TM4SF18: variants seen among roughly 807,000 people sequenced by gnomAD.
The protein encoded by TM4SF18 is transmembrane 4 L six family member 18.
Under a neutral mutation model 23.8 loss-of-function variants are expected in TM4SF18, and 22 were observed. The observed-to-expected ratio is 0.92, with a 90% CI of 0.66 to 1.32. The LOEUF (loss-of-function observed/expected upper bound fraction) is 1.32, where lower values mean the gene tolerates loss of function less well. Ranked by LOEUF, TM4SF18 falls within the 40% of genes most tolerant of loss-of-function variation. TM4SF18 has a pLI of 0.00. For synonymous variants in TM4SF18, 87 were observed against 87.9 expected (o/e 0.99, Z 0.06); for missense variants, 255 against 240.3 (o/e 1.06, Z -0.41).
chr3:149,321,593 A>G, intron 5 of TM4SF18, 101 bp from the exon 6 acceptor site: 1 of 726,988 alleles, frequency 1.4e-6, no homozygotes, highest in Non-Finnish European at 2.2e-6. Flanking sequence ...TTCATATTCA[A>G]AATATGATAG....
In TM4SF18 at chr3:149,324,916, T is replaced by G. The variant is rs765923820; in HGVS notation, c.374A>C (p.Asp125Ala). 1 of 1,614,064 alleles carries G rather than the reference T, an allele frequency of 6.2e-7. No individual in the cohort carries two copies. The highest frequency in any genetic ancestry group is 1.7e-5 in the Admixed American group (1 of 60,016). The change falls in exon 4 of 6, where the codon GAT becomes GCT. Residue 125 changes from aspartate to alanine, a missense_variant. Coordinates refer to ENST00000296059, the MANE Select transcript of TM4SF18 (RefSeq NM_138786.4). ...LVQGPYCRTL[D>A]GWEYAFEGTA... ...GCCTTCAAAAGCATACTCCCAGCCA[T>G]CAAGGGTGCGGCAATATGGCCCTTG...
intron 3 of TM4SF18, among the ~76,000 whole-genome samples, chr3:149,325,904 C>T (rs745531741): frequency 2.6e-5 from 4 of 152,160 alleles, no homozygotes; most frequent in Non-Finnish European, 5.9e-5. Context: ...TATCTAGAAT[C>T]ACCTACATGA....
intron 1 of TM4SF18, 31 bp downstream of exon 1, chr3:149,333,482 C>CTATTT: frequency 1.3e-5 from 3 of 235,250 alleles, no homozygotes; most frequent in Non-Finnish European, 2.0e-5. Flanking sequence ...CTCTCTCTCT[C>CTATTT]TTTTTTTTTT....
chr3:149,327,267 C>G (rs1215320802), intron 3 of TM4SF18, among the ~76,000 whole-genome samples: 1 of 152,060 alleles, frequency 6.6e-6, no homozygotes, highest in African/African-American at 2.4e-5. Flanking sequence ...ATTTTTTAAA[C>G]AAGTCTTGTA....
At chr3:149,330,463 T>G (rs1170337680) in intron 2 of TM4SF18, 44 bp from the exon 3 acceptor site, 1 of 1,338,824 alleles carries the variant, frequency 7.5e-7, no homozygotes, top group East Asian at 2.3e-5. Context: ...AAATGCTAGT[T>G]TACATTTGTG....
intron 3 of TM4SF18, chr3:149,330,010 G>T (rs1386476282): frequency 5.6e-6 from 1 of 178,512 alleles, no homozygotes. Context: ...TTTAATGGAT[G>T]CCACTTATTA....
At chr3:149,329,155 G>GTC (rs1731022657) in intron 3 of TM4SF18, among the ~76,000 whole-genome samples, 1 of 107,242 alleles carries the variant, frequency 9.3e-6, no homozygotes, top group Admixed American at 9.4e-5. Context: ...GAGTCAACTG[G>GTC]TCACACACAC....
chr3:149,331,536 A>G (rs147452875), intron 2 of TM4SF18, among the ~76,000 whole-genome samples: 5 of 152,334 alleles, frequency 3.3e-5, no homozygotes, highest in East Asian at 3.9e-4. Context: ...GAGGGAAACA[A>G]TGATGAGACA....
intron 3 of TM4SF18, among the ~76,000 whole-genome samples, chr3:149,327,069 C>CAGGAGA (rs1160291573): frequency 1.3e-5 from 2 of 152,156 alleles, no homozygotes; most frequent in African/African-American, 4.8e-5. Context: ...CCTGCCTCAG[C>CAGGAGA]CTCCTGAGTA....
At chr3:149,331,252 TA>T in intron 2 of TM4SF18, among the ~76,000 whole-genome samples, 1 of 152,312 alleles carries the variant, frequency 6.6e-6, no homozygotes, top group South Asian at 2.1e-4. Context: ...CAGCTTTCAT[TA>T]ATTTTTTTGT....
intron 3 of TM4SF18, among the ~76,000 whole-genome samples, chr3:149,328,603 G>T (rs965152005): frequency 6.6e-6 from 1 of 152,142 alleles, no homozygotes; most frequent in African/African-American, 2.4e-5. Context: ...CAATTGAAAA[G>T]TTTTACATAA....
At chr3:149,331,849 A>G (rs1196616570) in intron 2 of TM4SF18, among the ~76,000 whole-genome samples, 1 of 152,220 alleles carries the variant, frequency 6.6e-6, no homozygotes, top group Non-Finnish European at 1.5e-5. Context: ...ACATGAAATA[A>G]TGTGCATTTT....
rs1318211577 is a variant in TM4SF18 at position 149,333,523 on chromosome 3, G to T, written c.-28C>A. The stretch of plus-strand genomic sequence containing the variant: ...TTTGAGATTACCTACCACTTCCAGG[G>T]TCAGAGCCCTTCACTTCATATTCAT... On this transcript the variant is annotated 5_prime_UTR_variant, in exon 1 of 6. Transcript: ENST00000296059. 1.3e-5 allele frequency: 7 copies of T among 555,734 alleles called. 1 individual carries two copies. The Admixed American group carries it at 2.9e-4, about 23-fold the overall frequency. The allele number at this position is 555,734 out of a possible 1,614,324, so 34.4% of individuals were successfully genotyped here. A position where few individuals can be genotyped will look rare whatever the true frequency, so the allele number is the denominator to read the frequency against.
chr3:149,323,009 T>C (rs889299702), intron 4 of TM4SF18, among the ~76,000 whole-genome samples: 5 of 151,674 alleles, frequency 3.3e-5, no homozygotes, highest in Non-Finnish European at 7.4e-5. Flanking sequence ...TTCACGCCAT[T>C]CTCCTGCCTC....
In TM4SF18 at chr3:149,322,138, G is replaced by C. The variant is rs191960826; in HGVS notation, c.591+118C>G. ...GATATTAGAGCTTGAATAAAGATGA[G>C]GGCAATAGAAATGGGGGGAAAGTGA... On this transcript the variant is annotated intron_variant, in intron 5 of 5. Transcript: ENST00000296059. The C allele has an allele frequency of 1.5e-3, 1,320 of 854,312 alleles. 4 individuals are homozygous for C. Among genetic ancestry groups the C allele is most frequent in the Admixed American group, 2.2e-3 (76 of 33,898 alleles). The allele number at this position is 854,312 out of a possible 1,614,324, so 52.9% of individuals were successfully genotyped here.
chr3:149,321,530 T>C (rs1467280495), intron 5 of TM4SF18, 38 bp from the exon 6 acceptor site: 3 of 1,487,124 alleles, frequency 2.0e-6, no homozygotes, highest in Non-Finnish European at 2.8e-6. Context: ...ATTAAAGTTA[T>C]AAACTTGGCT....
chr3:149,331,672 TATAACTGC>T (rs1731089969), intron 2 of TM4SF18, among the ~76,000 whole-genome samples: 2 of 152,190 alleles, frequency 1.3e-5, no homozygotes, highest in African/African-American at 4.8e-5. Flanking sequence ...TGTTTTAAAA[TATAACTGC>T]AATACAGAGG....
chr3:149,330,587 A>G (rs1490874381), intron 2 of TM4SF18, among the ~76,000 whole-genome samples, 168 bp from the exon 3 acceptor site: 1 of 152,196 alleles, frequency 6.6e-6, no homozygotes, highest in African/African-American at 2.4e-5. Flanking sequence ...CCTTCTGTAT[A>G]AAATGGTATC....
chr3:149,333,482 C>CTGTTTT, intron 1 of TM4SF18, 31 bp downstream of exon 1: 1 of 235,256 alleles, frequency 4.3e-6, no homozygotes, highest in Non-Finnish European at 6.8e-6. Flanking sequence ...CTCTCTCTCT[C>CTGTTTT]TTTTTTTTTT....
Sources: allele counts gnomAD v4.1 joint callset (sites outside exome capture counted in the v4.1 genomes callset), GRCh38; gene constraint gnomAD v4.1.1; transcripts MANE v1.5; gene names NCBI Gene and HGNC (gene_info 2026-07-23, HGNC 2026-07-21).